KDM2A: variants seen among roughly 807,000 people sequenced by gnomAD.
KDM2A encodes lysine-specific demethylase 2A.
In KDM2A, 3 loss-of-function variants were observed where a neutral mutation model predicts 137.3. The observed-to-expected ratio is 0.02, with a 90% CI of 0.01 to 0.06. The LOEUF (loss-of-function observed/expected upper bound fraction) is 0.06, where lower values mean the gene tolerates loss of function less well. Among genes scored for constraint, KDM2A ranks in the 10% least tolerant of loss-of-function variants. The pLI is 1.00. For missense variants in KDM2A, 738 were observed against 1,510.6 expected, an observed-to-expected ratio of 0.49 and a Z score of 8.48; for synonymous variants, 512 against 541.5, an observed-to-expected ratio of 0.95 and a Z score of 0.76.
At position 67,255,224 on chromosome 11, in the gene KDM2A, C is replaced by T; in HGVS notation, c.*169C>T. 1 of 621,766 alleles carries T rather than the reference C, an allele frequency of 1.6e-6. No individual in the cohort carries two copies. The allele number at this position is 621,766 out of a possible 1,614,324, so 38.5% of individuals were successfully genotyped here. On this transcript the variant is annotated 3_prime_UTR_variant, in exon 21 of 21. Transcript: ENST00000529006. Reference sequence around the variant, plus strand: ...GGTGGGGCAGAGAGGGTGGTGGACACCAGGCTTATCTGCCTGCTCCTCTCC... The same window carrying T: ...GGTGGGGCAGAGAGGGTGGTGGACATCAGGCTTATCTGCCTGCTCCTCTCC...
At chr11:67,215,647 A>C in intron 7 of KDM2A, 2 of 625,160 alleles carry the variant, frequency 3.2e-6, no homozygotes, top group Non-Finnish European at 5.6e-6. Context: ...TAAAGGAAAA[A>C]AAACTTACAT....
chr11:67,122,156 T>C (rs185383040), intron 2 of KDM2A, among the ~76,000 whole-genome samples: 20 of 152,132 alleles, frequency 1.3e-4, no homozygotes, highest in Admixed American at 1.3e-3. Context: ...AGCGACAGAA[T>C]TGTATGTAGT....
intron 12 of KDM2A, among the ~76,000 whole-genome samples, chr11:67,241,324 A>C (rs1173481060): frequency 2.0e-5 from 3 of 152,184 alleles, no homozygotes; most frequent in Non-Finnish European, 4.4e-5. Context: ...TGCCATAGCA[A>C]CTTGAAGTAA....
intron 2 of KDM2A, among the ~76,000 whole-genome samples, chr11:67,172,580 A>G (rs370937456): frequency 2.6e-5 from 4 of 150,970 alleles, no homozygotes; most frequent in South Asian, 4.2e-4. Flanking sequence ...TGTTGCTAGT[A>G]TATAGAAATA....
chr11:67,243,114 T>C (rs750384287), intron 13 of KDM2A, 22 bp downstream of exon 13: 1 of 1,555,814 alleles, frequency 6.4e-7, no homozygotes, highest in Non-Finnish European at 8.9e-7. Context: ...TTTTCCTTGA[T>C]CTTTAGGCTG....
chr11:67,240,149 G>A (rs1490496723), intron 12 of KDM2A: 5 of 1,456,806 alleles, frequency 3.4e-6, no homozygotes, highest in Non-Finnish European at 3.6e-6. Flanking sequence ...GGAGCCCAGA[G>A]CGCTGCACGC....
At chr11:67,156,994 T>C (rs1284563645) in intron 2 of KDM2A, among the ~76,000 whole-genome samples, 2 of 152,020 alleles carry the variant, frequency 1.3e-5, no homozygotes, top group African/African-American at 2.4e-5. Context: ...ATTTAAAATA[T>C]TTACCCTCTG....
At chr11:67,170,895 G>A (rs1361723858) in intron 2 of KDM2A, among the ~76,000 whole-genome samples, 1 of 152,062 alleles carries the variant, frequency 6.6e-6, no homozygotes, top group Admixed American at 6.6e-5. Context: ...ATAGAGTAGT[G>A]GTTAGGACTG....
At chr11:67,162,693 A>ACC (rs1420139439) in intron 2 of KDM2A, among the ~76,000 whole-genome samples, 1 of 151,862 alleles carries the variant, frequency 6.6e-6, no homozygotes, top group African/African-American at 2.4e-5. Context: ...GGCATGAGCC[A>ACC]CCGCGCCCGG....
Position 67,217,755 on chromosome 11 carries a change from G to A in KDM2A, c.712G>A (p.Ala238Thr). 1.2e-6 allele frequency: 2 copies of A among 1,613,702 alleles called. No homozygotes were observed. The highest frequency in any genetic ancestry group is 1.7e-6 in the Non-Finnish European group (2 of 1,179,806). Residue 238 changes from alanine to threonine, a missense_variant, in exon 9 of 21, where the codon GCC becomes ACC. Transcript: ENST00000529006. ...GGTCTTCTGGCTCATCCCCCCTACA[G>A]CCCACAACCTGGAGCTGTACGAGAA... Reference protein sequence around the residue: ...GKVFWLIPPTAHNLELYENWL... With the variant: ...GKVFWLIPPTTHNLELYENWL...
chr11:67,160,257 G>A (rs1180830586), intron 2 of KDM2A, among the ~76,000 whole-genome samples: 4 of 152,146 alleles, frequency 2.6e-5, no homozygotes, highest in Non-Finnish European at 2.9e-5. Context: ...AGCCTCGAGG[G>A]ATCATTATTG....
intron 6 of KDM2A, among the ~76,000 whole-genome samples, chr11:67,213,082 T>A (rs1347286298): frequency 6.6e-6 from 1 of 152,186 alleles, no homozygotes; most frequent in Non-Finnish European, 1.5e-5. Flanking sequence ...TAACCGTTGC[T>A]CCTCATCTTG....
chr11:67,215,475 G>T, intron 7 of KDM2A, 29 bp downstream of exon 7: 1 of 1,456,478 alleles, frequency 6.9e-7, no homozygotes, highest in Non-Finnish European at 9.6e-7. Flanking sequence ...ATCTTCCTCC[G>T]TGTGCTGTGG....
At chr11:67,182,567 C>G (rs908181248) in intron 5 of KDM2A, among the ~76,000 whole-genome samples, 1 of 137,574 alleles carries the variant, frequency 7.3e-6, no homozygotes, top group African/African-American at 2.7e-5. Flanking sequence ...CAGTCTCCCT[C>G]TGTCGCCCAG....
chr11:67,247,006 T>G (rs1859238296), intron 15 of KDM2A, among the ~76,000 whole-genome samples: 1 of 138,174 alleles, frequency 7.2e-6, no homozygotes, highest in Non-Finnish European at 1.5e-5. Context: ...GGCACGATTA[T>G]ACATTTATTC....
chr11:67,252,892 G>GC, intron 18 of KDM2A, 35 bp downstream of exon 18: 1 of 1,575,348 alleles, frequency 6.3e-7, no homozygotes, highest in Non-Finnish European at 8.6e-7. Flanking sequence ...CTTTCCAGGG[G>GC]CCCAGAAGAA....
At chr11:67,162,784 G>T (rs1216299495) in intron 2 of KDM2A, among the ~76,000 whole-genome samples, 2 of 152,078 alleles carry the variant, frequency 1.3e-5, no homozygotes, top group East Asian at 3.9e-4. Flanking sequence ...TGTGATCATT[G>T]TTCACTGGAA....
intron 5 of KDM2A, among the ~76,000 whole-genome samples, chr11:67,185,851 G>T (rs1164194501): frequency 6.6e-6 from 1 of 151,798 alleles, no homozygotes; most frequent in Non-Finnish European, 1.5e-5. Flanking sequence ...TGATGATGCA[G>T]CAAAAAGGCC....
intron 5 of KDM2A, among the ~76,000 whole-genome samples, chr11:67,201,639 G>C (rs1485626075): frequency 6.6e-6 from 1 of 151,756 alleles, no homozygotes; most frequent in Non-Finnish European, 1.5e-5. Context: ...GTGGTGGCAT[G>C]GGCCTGTAGT....
Sources: allele counts gnomAD v4.1 joint callset (sites outside exome capture counted in the v4.1 genomes callset), GRCh38; gene constraint gnomAD v4.1.1; transcripts MANE v1.5; gene names NCBI Gene and HGNC (gene_info 2026-07-23, HGNC 2026-07-21).